Variants in KCNMA1 observed in about 807,000 individuals in gnomAD.
The protein encoded by KCNMA1 is potassium calcium-activated channel subfamily M alpha 1.
Under a neutral mutation model 140.0 loss-of-function variants are expected in KCNMA1, and 29 were observed. The ratio of observed to expected loss-of-function variants is 0.21; its 90% CI spans 0.15 to 0.28. KCNMA1 has a LOEUF of 0.28. Ranked by LOEUF, KCNMA1 falls within the 10% of genes least tolerant of loss-of-function variation. The probability of loss-of-function intolerance (pLI) is 1.00; values close to 1 mark genes in which losing one functional copy is unlikely to be tolerated. For synonymous variants in KCNMA1, 612 were observed against 611.9 expected (o/e 1.00, Z 0.00); for missense variants, 880 against 1,602.2 (o/e 0.55, Z 7.70).
At chr10:77,097,590 T>A (rs530260286) in intron 9 of KCNMA1, among the ~76,000 whole-genome samples, 8 of 152,300 alleles carry the variant, frequency 5.3e-5, no homozygotes, top group African/African-American at 1.9e-4. Context: ...CTAGCATATT[T>A]CAAGTTTGTA....
intron 18 of KCNMA1, among the ~76,000 whole-genome samples, chr10:77,006,804 G>C (rs192216230): frequency 1.3e-4 from 20 of 152,314 alleles, no homozygotes; most frequent in Non-Finnish European, 1.9e-4. Context: ...CAGCTCTGCA[G>C]GTATGAAAGT....
At chr10:77,467,676 G>A (rs898664344) in intron 1 of KCNMA1, among the ~76,000 whole-genome samples, 17 of 152,238 alleles carry the variant, frequency 1.1e-4, no homozygotes, top group African/African-American at 2.4e-4. Flanking sequence ...ACTTGAGAGA[G>A]GACAGTGGTC....
chr10:76,920,688 G>T (rs1297842351), intron 23 of KCNMA1, among the ~76,000 whole-genome samples: 1 of 152,166 alleles, frequency 6.6e-6, no homozygotes, highest in Non-Finnish European at 1.5e-5. Flanking sequence ...ATACCCAATT[G>T]GTAAGTGTCC....
At chr10:77,106,603 G>T (rs1276410801) in intron 9 of KCNMA1, among the ~76,000 whole-genome samples, 1 of 152,138 alleles carries the variant, frequency 6.6e-6, no homozygotes, top group Non-Finnish European at 1.5e-5. Context: ...CAGGGCAATT[G>T]ATTTTATTGA....
intron 2 of KCNMA1, among the ~76,000 whole-genome samples, chr10:77,356,830 A>G (rs550387345): frequency 4.1e-4 from 63 of 152,302 alleles, no homozygotes; most frequent in South Asian, 1.7e-3. Flanking sequence ...TTGCTCAGTA[A>G]GACTATGAGA....
intron 1 of KCNMA1, among the ~76,000 whole-genome samples, chr10:77,630,846 C>T (rs2093098468): frequency 6.6e-6 from 1 of 152,022 alleles, no homozygotes. Flanking sequence ...GTGGCTCACA[C>T]CACTGTGGGA....
At chr10:77,265,406 C>T (rs1326738381) in intron 2 of KCNMA1, among the ~76,000 whole-genome samples, 1 of 152,110 alleles carries the variant, frequency 6.6e-6, no homozygotes, top group East Asian at 1.9e-4. Flanking sequence ...GGTTCAGAGA[C>T]CACATTTTGA....
intron 19 of KCNMA1, among the ~76,000 whole-genome samples, chr10:76,976,724 A>G (rs187620703): frequency 6.6e-6 from 1 of 152,254 alleles, no homozygotes; most frequent in African/African-American, 2.4e-5. Flanking sequence ...CGCCCTGTTC[A>G]GTATTCAGTA....
At chr10:77,576,171 G>A (rs1043924943) in intron 1 of KCNMA1, among the ~76,000 whole-genome samples, 1 of 152,164 alleles carries the variant, frequency 6.6e-6, no homozygotes, top group Non-Finnish European at 1.5e-5. Context: ...ACCGTCTGAG[G>A]AACAAGGCCC....
At chr10:77,367,042 TG>T (rs2154406903) in intron 2 of KCNMA1, among the ~76,000 whole-genome samples, 1 of 152,194 alleles carries the variant, frequency 6.6e-6, no homozygotes, top group East Asian at 1.9e-4. Context: ...ATCTGAAAAG[TG>T]AAAGAACATG....
intron 23 of KCNMA1, among the ~76,000 whole-genome samples, chr10:76,915,664 G>T (rs2052513011): frequency 6.6e-6 from 1 of 150,956 alleles, no homozygotes. Flanking sequence ...AACCTGGCCT[G>T]ACTGTTACCG....
intron 3 of KCNMA1, among the ~76,000 whole-genome samples, chr10:77,205,819 C>G (rs1022476270): frequency 2.1e-4 from 32 of 152,130 alleles, no homozygotes; most frequent in Admixed American, 1.6e-3. Flanking sequence ...ATCAGGACGA[C>G]TTTTTAAAAG....
intron 1 of KCNMA1, among the ~76,000 whole-genome samples, chr10:77,494,730 A>C (rs984256463): frequency 6.6e-6 from 1 of 152,164 alleles, no homozygotes; most frequent in African/African-American, 2.4e-5. Flanking sequence ...AAGTATCAAA[A>C]ACTGAGTTGG....
intron 13 of KCNMA1, among the ~76,000 whole-genome samples, chr10:77,078,334 C>A (rs558156818): frequency 6.6e-6 from 1 of 152,280 alleles, no homozygotes; most frequent in African/African-American, 2.4e-5. Flanking sequence ...ACCTTCCCTC[C>A]CCTAAAGCTG....
At chr10:76,990,321 G>T (rs1020926412) in intron 19 of KCNMA1, among the ~76,000 whole-genome samples, 1 of 152,162 alleles carries the variant, frequency 6.6e-6, no homozygotes, top group African/African-American at 2.4e-5. Context: ...AAAATTCACA[G>T]ATCTCACCCT....
At chr10:77,432,747 C>CA (rs1429577449) in intron 1 of KCNMA1, among the ~76,000 whole-genome samples, 12 of 151,632 alleles carry the variant, frequency 7.9e-5, no homozygotes, top group South Asian at 4.2e-4. Context: ...TGGTCCCACT[C>CA]AAAAAAAACA....
intron 2 of KCNMA1, among the ~76,000 whole-genome samples, chr10:77,396,904 A>G (rs989093563): frequency 6.6e-6 from 1 of 152,230 alleles, no homozygotes. Flanking sequence ...AGCTTTGCTC[A>G]GGAGCTGGTA....
chr10:77,159,373 TTAGA>T (rs577424106), intron 5 of KCNMA1, among the ~76,000 whole-genome samples: 126 of 152,224 alleles, frequency 8.3e-4, no homozygotes, highest in African/African-American at 2.9e-3. Context: ...AGCATCTATC[TTAGA>T]TAGATGTTCC....
intron 1 of KCNMA1, among the ~76,000 whole-genome samples, chr10:77,597,149 C>T (rs1306406724): frequency 1.3e-5 from 2 of 152,086 alleles, no homozygotes; most frequent in Non-Finnish European, 2.9e-5. Flanking sequence ...CTGACAACAA[C>T]CTGAAAGTCC....
Sources: gnomAD v4.1 joint callset for allele counts (sites outside exome capture counted in the v4.1 genomes callset) on GRCh38, gnomAD v4.1.1 for gene constraint, MANE v1.5 for transcripts, NCBI Gene and HGNC (gene_info 2026-07-23, HGNC 2026-07-21) for gene names.